Variants in RUFY2 observed in about 807,000 individuals in gnomAD.
RUFY2 encodes RUN and FYVE domain-containing protein 2.
A neutral mutation model predicts 94.4 loss-of-function variants in RUFY2; 49 were observed. The observed-to-expected ratio is 0.52, with a 90% CI of 0.41 to 0.66. The LOEUF is 0.66. Ranked by LOEUF, RUFY2 falls within the 30% of genes least tolerant of loss-of-function variation. The probability of loss-of-function intolerance (pLI) is 0.00; values close to 1 mark genes in which losing one functional copy is unlikely to be tolerated. For synonymous variants in RUFY2, 255 were observed against 235.7 expected, an observed-to-expected ratio of 1.08 and a Z score of -0.75; for missense variants, 541 against 692.8, an observed-to-expected ratio of 0.78 and a Z score of 2.46.
chr10:68,378,776 G>A, intron 12 of RUFY2: 1 of 728,048 alleles, frequency 1.4e-6, no homozygotes, highest in South Asian at 2.0e-5. Flanking sequence ...GAAGAAAGAG[G>A]ATGTCAATAA....
intron 11 of RUFY2, among the ~76,000 whole-genome samples, chr10:68,380,965 G>A (rs2049018929): frequency 6.6e-6 from 1 of 151,990 alleles, no homozygotes; most frequent in African/African-American, 2.4e-5. Flanking sequence ...TCACAAAAAC[G>A]TTTTGCAGTT....
chr10:68,398,885 C>G (rs183426979), intron 3 of RUFY2, among the ~76,000 whole-genome samples: 1 of 152,150 alleles, frequency 6.6e-6, no homozygotes, highest in Non-Finnish European at 1.5e-5. Context: ...GGCTTTTTAA[C>G]AAAATATGAA....
chr10:68,407,204 C>A lies in RUFY2; in HGVS notation c.-15G>T. On this transcript the variant is annotated 5_prime_UTR_variant, in exon 1 of 18. Coordinates refer to ENST00000602465, the MANE Select transcript of RUFY2 (RefSeq NM_001330103.2). ...GCCTTACCCATGGCGGCGGCGGCTG[C>A]GCGGTCTCGGGCGGAGGCTCCCTCG... 1 of 1,413,054 alleles carries A rather than the reference C, an allele frequency of 7.1e-7. No individual in the cohort carries two copies. Among genetic ancestry groups the A allele is most frequent in the South Asian group, 1.5e-5 (1 of 65,884 alleles). The allele number at this position is 1,413,054 out of a possible 1,614,324, so 87.5% of individuals were successfully genotyped here.
intron 13 of RUFY2, among the ~76,000 whole-genome samples, chr10:68,371,870 AAG>A (rs2132615487): frequency 6.6e-6 from 1 of 152,336 alleles, no homozygotes; most frequent in African/African-American, 2.4e-5. Context: ...CATAAAGGCC[AAG>A]AGAGAGTGGC....
At chr10:68,348,378 A>G (rs939587613) in intron 16 of RUFY2, among the ~76,000 whole-genome samples, 4 of 151,916 alleles carry the variant, frequency 2.6e-5, no homozygotes, top group Non-Finnish European at 4.4e-5. Context: ...TTAGCCAAGC[A>G]TGGTGGCATG....
chr10:68,355,290 G>C lies in RUFY2; in HGVS notation c.1599+63C>G, dbSNP rs2046965853. On this transcript the variant is annotated intron_variant, in intron 16 of 17. Coordinates refer to ENST00000602465, the MANE Select transcript of RUFY2 (RefSeq NM_001330103.2). ...GTTAATAATACATTAGATTCACACA[G>C]GGCATTACCTTCCATTGGAGACTTT... 3.5e-6 allele frequency: 4 copies of C among 1,149,036 alleles called. No homozygotes were observed. The South Asian group carries it at 5.0e-5, about 14-fold the overall frequency. 71.2% of individuals were successfully genotyped at this position (1,149,036 alleles called of 1,614,324 possible). A position where few individuals can be genotyped will look rare whatever the true frequency, so the allele number is the denominator to read the frequency against.
intron 16 of RUFY2, chr10:68,346,740 T>C (rs1456743669): frequency 2.6e-5 from 4 of 152,198 alleles, no homozygotes; most frequent in Non-Finnish European, 2.9e-5. Flanking sequence ...TCATGGAGAA[T>C]GGGGTATCCT....
chr10:68,341,345 A>C (rs1354011199), downstream of RUFY2: 1 of 1,576,564 alleles, frequency 6.3e-7, no homozygotes. Context: ...CTTATTTCCT[A>C]AACGTGAATT....
At chr10:68,406,183 A>AC (rs1279140747) in intron 1 of RUFY2, among the ~76,000 whole-genome samples, 1 of 151,952 alleles carries the variant, frequency 6.6e-6, no homozygotes, top group Non-Finnish European at 1.5e-5. Flanking sequence ...AACAACAACA[A>AC]AAAACCCAGA....
At chr10:68,398,274 A>C in intron 3 of RUFY2, among the ~76,000 whole-genome samples, 1 of 152,170 alleles carries the variant, frequency 6.6e-6, no homozygotes, top group Non-Finnish European at 1.5e-5. Context: ...TGTGCTGCTT[A>C]CTGGTTTTCA....
chr10:68,386,391 C>T (rs1180662779), intron 7 of RUFY2, among the ~76,000 whole-genome samples: 1 of 152,124 alleles, frequency 6.6e-6, no homozygotes, highest in Non-Finnish European at 1.5e-5. Flanking sequence ...ACTCTGTTGC[C>T]CAGGCTGGAG....
intron 16 of RUFY2, among the ~76,000 whole-genome samples, chr10:68,352,570 C>G (rs1355755000): frequency 6.6e-6 from 1 of 152,082 alleles, no homozygotes; most frequent in Non-Finnish European, 1.5e-5. Context: ...TATCAAGAAG[C>G]TTTTTTAAAT....
Position 68,376,864 on chromosome 10 carries a change from CT to C in RUFY2, c.1313del (p.Lys438ArgfsTer12). ...AGTGAAATACTCACAGCTGTTTCTC[CT>C]TTTGGGAGATTTGTTTCTGCAGACT... ...SDSLQKQISQ[K>X]EKQLVQLETD... On this transcript the variant is annotated frameshift_variant, in exon 13 of 18. Transcript: ENST00000602465. LOFTEE classifies it high-confidence loss of function. 6.2e-7 allele frequency: 1 copy of C among 1,613,582 alleles called. No homozygotes were observed. The highest frequency in any genetic ancestry group is 8.5e-7 in the Non-Finnish European group (1 of 1,179,828).
At chr10:68,385,797 TGTGA>T (rs2049452618) in intron 8 of RUFY2, among the ~76,000 whole-genome samples, 1 of 152,162 alleles carries the variant, frequency 6.6e-6, no homozygotes, top group Non-Finnish European at 1.5e-5. Flanking sequence ...GAAGAATTTG[TGTGA>T]GTTTCATCTC....
At chr10:68,374,052 G>A (rs977582960) in intron 13 of RUFY2, among the ~76,000 whole-genome samples, 1 of 149,878 alleles carries the variant, frequency 6.7e-6, no homozygotes, top group African/African-American at 2.5e-5. Flanking sequence ...AGGAGATCAA[G>A]GCTGCAGTGA....
At chr10:68,406,942 C>G (rs1293349859) in intron 1 of RUFY2, 1 of 1,553,116 alleles carries the variant, frequency 6.4e-7, no homozygotes, top group Non-Finnish European at 8.7e-7. Context: ...CGTGGCACCT[C>G]GAGCCCTCGG....
chr10:68,371,149 A>G (rs10998092), intron 13 of RUFY2, among the ~76,000 whole-genome samples: 3,002 of 149,214 alleles, frequency 0.02, 44 homozygotes, highest in Non-Finnish European at 0.032. Flanking sequence ...AAAAAAAAAA[A>G]AGCCAGGAGT....
Position 68,383,870 on chromosome 10 carries a change from A to C in RUFY2, c.867T>G (p.His289Gln). ...DVETELQTYK[H>Q]SRQGLDEMYN... is the part of the protein sequence containing the mutation. Reference sequence around the variant, plus strand: ...ACATTTCATCTAGCCCCTGACGAGAATGCTTATATGTTTGAAGCTCAGTTT... The same window carrying C: ...ACATTTCATCTAGCCCCTGACGAGACTGCTTATATGTTTGAAGCTCAGTTT... The change falls in exon 10 of 18, where the codon CAT becomes CAG. Residue 289 changes from histidine (H) to glutamine (Q), a missense_variant. By Grantham distance (24) the His-to-Gln change is conservative. Transcript: ENST00000602465. 3 of 1,613,968 alleles carry C rather than the reference A, an allele frequency of 1.9e-6. No individual in the cohort carries two copies. Among genetic ancestry groups the C allele is most frequent in the Non-Finnish European group, 2.5e-6 (3 of 1,180,008 alleles).
chr10:68,397,448 A>C (rs911879712), intron 3 of RUFY2, among the ~76,000 whole-genome samples: 13 of 152,076 alleles, frequency 8.5e-5, no homozygotes, highest in African/African-American at 3.1e-4. Context: ...AGAAATATTT[A>C]GGTGGGCACG....
Sources: allele counts gnomAD v4.1 joint callset (sites outside exome capture counted in the v4.1 genomes callset), GRCh38; gene constraint gnomAD v4.1.1; transcripts MANE v1.5; gene names NCBI Gene and HGNC (gene_info 2026-07-23, HGNC 2026-07-21).